The following CD180 variants were observed in gnomAD, a reference collection of about 807,000 sequenced individuals.
CD180 encodes the protein CD180 antigen.
A neutral mutation model predicts 10.7 loss-of-function variants in CD180; 11 were observed. The observed-to-expected ratio is 1.03, with a 90% CI of 0.65 to 1.70. The LOEUF is 1.70. CD180 is among the 40% of genes most tolerant of loss of function. CD180 has a pLI of 0.00. For synonymous variants in CD180, 286 were observed against 294.6 expected, an observed-to-expected ratio of 0.97 and a Z score of 0.30; for missense variants, 729 against 775.2, an observed-to-expected ratio of 0.94 and a Z score of 0.71.
In CD180 at chr5:67,180,818, G is replaced by C. The variant is rs1742032881; in HGVS notation, c.*2039C>G. 1.3e-5 allele frequency: 2 copies of C among 152,044 alleles called. No individual in the cohort carries two copies. The highest frequency in any genetic ancestry group is 1.3e-4 in the Admixed American group (2 of 15,256). 9.4% of individuals were successfully genotyped at this position (152,044 alleles called of 1,614,324 possible). The stretch of plus-strand genomic sequence containing the variant: ...GTTCAAGACCAGCCTGGCCAACATG[G>C]TGAAACCCTGTCTCTACTAAAAATA... On this transcript the variant is annotated 3_prime_UTR_variant, in exon 3 of 3. Coordinates refer to ENST00000256447, the MANE Select transcript of CD180 (RefSeq NM_005582.3).
chr5:67,186,540 G>C (rs1742198276), intron 1 of CD180, among the ~76,000 whole-genome samples: 1 of 152,044 alleles, frequency 6.6e-6, no homozygotes, highest in Admixed American at 6.6e-5. Flanking sequence ...AGAAGAGCAG[G>C]GATAAATGTG....
rs1581822773 is a variant in CD180, at chr5:67,183,424, A to G, written c.1419T>C (p.His473=). The G allele has an allele frequency of 1.2e-6, 2 of 1,614,224 alleles. No individual in the cohort carries two copies. Among genetic ancestry groups the G allele is most frequent in the East Asian group, 4.5e-5 (2 of 44,888 alleles). The change falls in exon 3 of 3, where the codon CAT becomes CAC. Residue 473 remains histidine (H), a synonymous_variant. Coordinates refer to ENST00000256447, the MANE Select transcript of CD180 (RefSeq NM_005582.3). ...GAAAGTGATTCCCTTTTAAGTTGAG[A>G]TGCCGGAGAACTGGTAGGCCTGCTA... ...HLLAGLPVLR[H]LNLKGNHFQD... is the part of the protein sequence containing the mutation.
intron 1 of CD180, among the ~76,000 whole-genome samples, chr5:67,193,041 G>C (rs1742338274): frequency 6.6e-6 from 1 of 152,174 alleles, no homozygotes; most frequent in African/African-American, 2.4e-5. Flanking sequence ...AGCTGAGTGG[G>C]AAAATTTCTC....
intron 2 of CD180, among the ~76,000 whole-genome samples, chr5:67,184,805 T>C (rs1055516691): frequency 6.6e-6 from 1 of 152,124 alleles, no homozygotes; most frequent in African/African-American, 2.4e-5. Flanking sequence ...CCCCTTAGAT[T>C]GAACCCTCAG....
Position 67,196,433 on chromosome 5 carries a change from C to T in CD180, c.90+119G>A, listed in dbSNP as rs1047532582. 5.6e-6 allele frequency: 5 copies of T among 899,798 alleles called. No homozygotes were observed. In the South Asian group the frequency reaches 8.6e-5, roughly 15 times the overall value. 55.7% of individuals were successfully genotyped at this position (899,798 alleles called of 1,614,324 possible). ...AATAATGAAAAAATTATATATACAC[C>T]TTATTTCCTTTTTAAAGACACTAGA... On this transcript the variant is annotated intron_variant, in intron 1 of 2. Coordinates refer to ENST00000256447, the MANE Select transcript of CD180 (RefSeq NM_005582.3).
chr5:67,184,565 T>C lies in CD180; in HGVS notation c.278A>G (p.His93Arg). The change falls in exon 3 of 3, where the codon CAT (histidine) becomes CGT (arginine). Residue 93 changes from histidine to arginine, a missense_variant. By Grantham distance (29) the His-to-Arg change is conservative (BLOSUM62 0). Coordinates refer to ENST00000256447, the MANE Select transcript of CD180 (RefSeq NM_005582.3). ...DLTRCQINWI[H>R]EDTFQSHHQL... The stretch of plus-strand genomic sequence containing the variant: ...ATGATGGCTTTGAAAAGTGTCTTCA[T>C]GTATCCAGTTAATCTGGCACCTTGA... The C allele has an allele frequency of 6.3e-7, 1 of 1,595,262 alleles. No homozygotes were observed. Among genetic ancestry groups the C allele is most frequent in the South Asian group, 1.1e-5 (1 of 90,118 alleles).
intron 1 of CD180, among the ~76,000 whole-genome samples, chr5:67,187,386 G>T (rs1170545637): frequency 6.6e-6 from 1 of 152,174 alleles, no homozygotes; most frequent in Non-Finnish European, 1.5e-5. Flanking sequence ...CTTGAAGTAT[G>T]AATTAATTTT....
chr5:67,192,224 A>T (rs1561237835), intron 1 of CD180, among the ~76,000 whole-genome samples: 1 of 152,076 alleles, frequency 6.6e-6, no homozygotes, highest in Admixed American at 6.5e-5. Flanking sequence ...CTCCGTCTCT[A>T]CTAAAAATAC....
chr5:67,187,136 A>T (rs1561236040), intron 1 of CD180, among the ~76,000 whole-genome samples: 1 of 152,228 alleles, frequency 6.6e-6, no homozygotes, highest in East Asian at 1.9e-4. Flanking sequence ...AAATGTTCTT[A>T]TTCTTTTGAG....
At chr5:67,187,099 G>A (rs1368531853) in intron 1 of CD180, among the ~76,000 whole-genome samples, 1 of 152,188 alleles carries the variant, frequency 6.6e-6, no homozygotes, top group African/African-American at 2.4e-5. Context: ...TTTTGTAAAT[G>A]ACAGTGGACT....
rs760406267 is a variant in CD180 at position 67,183,996 on chromosome 5, C to G, written c.847G>C (p.Glu283Gln). 5.0e-6 allele frequency: 8 copies of G among 1,613,962 alleles called. No individual in the cohort carries two copies. The Admixed American group carries it at 5.0e-5, about 10-fold the overall frequency. The part of the protein sequence containing the change: ...EMSVESLNLQ[E>Q]HRFSDISSTT... ...GATGAGATGTCAGAGAAGCGGTGTT[C>G]CTGCAGGTTGAGGCTCTCAACAGAC... is the stretch of plus-strand genomic sequence containing the variant. The change falls in exon 3 of 3, where the codon GAA becomes CAA. Residue 283 changes from glutamate to glutamine, a missense_variant. Coordinates refer to ENST00000256447, the MANE Select transcript of CD180 (RefSeq NM_005582.3).
chr5:67,185,752 TC>T (rs2151166360), intron 2 of CD180, 98 bp downstream of exon 2: 1 of 818,758 alleles, frequency 1.2e-6, no homozygotes, highest in African/African-American at 1.8e-5. Flanking sequence ...AAGCAGATTG[TC>T]CCTGGGCCCC....
At chr5:67,186,876 AAGAGAGAG>A (rs554168576) in intron 1 of CD180, among the ~76,000 whole-genome samples, 1 of 126,032 alleles carries the variant, frequency 7.9e-6, no homozygotes, top group African/African-American at 2.8e-5. Flanking sequence ...GTGTGTGTGA[AAGAGAGAG>A]AGAGAGAGAG....
intron 1 of CD180, 120 bp downstream of exon 1, chr5:67,196,432 C>T: frequency 1.1e-6 from 1 of 883,202 alleles, no homozygotes. Context: ...TATATATACA[C>T]CTTATTTCCT....
Position 67,182,948 on chromosome 5 carries a change from A to T in CD180, c.1895T>A (p.Ile632Asn). Residue 632 changes from isoleucine (I) to asparagine (N), a missense_variant, in exon 3 of 3, where the codon ATT becomes AAT. Coordinates refer to ENST00000256447, the MANE Select transcript of CD180 (RefSeq NM_005582.3). ...KLSCGITAIG[I>N]FFLIVFLLLL... is the part of the protein sequence containing the mutation. ...TAATAGAAATACTATGAGAAAGAAA[A>T]TGCCTATGGCTGTAATCCCACAGGA... 3.1e-6 allele frequency: 5 copies of T among 1,614,110 alleles called. No homozygotes were observed. In the South Asian group the frequency reaches 5.5e-5, roughly 18 times the overall value.
intron 1 of CD180, among the ~76,000 whole-genome samples, chr5:67,192,410 A>C (rs1338982465): frequency 6.6e-6 from 1 of 151,806 alleles, no homozygotes; most frequent in Non-Finnish European, 1.5e-5. Flanking sequence ...AAAGAAAGAA[A>C]GAAAAAAGAA....
At position 67,183,291 on chromosome 5, in the gene CD180, T is replaced by C; in HGVS notation, c.1552A>G (p.Ser518Gly). ...LLSIDQQAFH[S>G]LGKMSHVDLS... is the part of the protein sequence containing the mutation. ...TCTACATGGCTCATTTTTCCCAAGC[T>C]GTGGAATGCTTGCTGGTCTATAGAG... The change falls in exon 3 of 3, where the codon AGC becomes GGC. Residue 518 changes from serine (S) to glycine (G), a missense_variant. Ser to Gly is a moderately conservative substitution (Grantham distance 56). Transcript: ENST00000256447. The C allele has an allele frequency of 6.2e-7, 1 of 1,614,146 alleles. No individual in the cohort carries two copies. Among genetic ancestry groups the C allele is most frequent in the Non-Finnish European group, 8.5e-7 (1 of 1,180,024 alleles).
Position 67,196,763 on chromosome 5 carries a change from G to T in CD180, c.-122C>A. On this transcript the variant is annotated 5_prime_UTR_variant, in exon 1 of 3. Transcript: ENST00000256447. The stretch of plus-strand genomic sequence containing the variant: ...ACTCAGAAGGGTGATCTTGGAACAA[G>T]AAATGCTGTTGACTGCTCAGCATTC... The T allele has an allele frequency of 7.9e-5, 65 of 820,770 alleles. No homozygotes were observed. Among genetic ancestry groups the T allele is most frequent in the East Asian group, 2.0e-4 (4 of 19,558 alleles). 50.8% of individuals were successfully genotyped at this position (820,770 alleles called of 1,614,324 possible). A position where few individuals can be genotyped will look rare whatever the true frequency, so the allele number is the denominator to read the frequency against.
In CD180 at chr5:67,185,841, AG is replaced by A. The variant is rs1217674996; in HGVS notation, c.257+9del. ...AAATAAAAGAGCACACAAATAACTCAGATACATACCTAGTTAAATCCAAAAA... is the reference window on the plus strand; with the variant it reads ...AAATAAAAGAGCACACAAATAACTCAATACATACCTAGTTAAATCCAAAAA... On this transcript the variant is annotated intron_variant, in intron 2 of 2. Coordinates refer to ENST00000256447, the MANE Select transcript of CD180 (RefSeq NM_005582.3). The A allele has an allele frequency of 6.4e-7, 1 of 1,566,512 alleles. No individual in the cohort carries two copies. The highest frequency in any genetic ancestry group is 2.3e-5 in the East Asian group (1 of 44,004).
Sources: gnomAD v4.1 joint callset for allele counts (sites outside exome capture counted in the v4.1 genomes callset) on GRCh38, gnomAD v4.1.1 for gene constraint, MANE v1.5 for transcripts, NCBI Gene and HGNC (gene_info 2026-07-23, HGNC 2026-07-21) for gene names.